Variants in MAB21L1 observed in about 807,000 individuals in gnomAD.
MAB21L1 encodes the protein mab-21 like 1.
MAB21L1 carries 8 observed loss-of-function variants against 28.9 expected under a neutral mutation model. The ratio of observed to expected loss-of-function variants is 0.28; its 90% CI spans 0.16 to 0.50. MAB21L1 has a LOEUF of 0.50. MAB21L1 is among the 20% of genes least tolerant of loss of function. The pLI is 0.98. For synonymous variants in MAB21L1, 219 were observed against 198.2 expected, an observed-to-expected ratio of 1.10 and a Z score of -0.88; for missense variants, 388 against 466.5, an observed-to-expected ratio of 0.83 and a Z score of 1.55.
rs143553010 is a variant in MAB21L1, at chr13:35,475,533, C to A, written c.606G>T (p.Glu202Asp). The stretch of plus-strand genomic sequence containing the variant: ...AGAGATTGAAACCTTCCGCCTTGAC[C>A]TCCGCCACCCGGTTGGGTCCCGGCC... The part of the protein sequence containing the change: ...IPWPGPNRVA[E>D]VKAEGFNLLS... Residue 202 changes from glutamate (E) to aspartate (D), a missense_variant, in exon 1 of 1, where the codon GAG (glutamate) becomes GAT (aspartate). This residue lies in a region of MAB21L1 where 218 missense variants were observed against 220.6 expected (regional missense o/e 0.99). Coordinates refer to ENST00000379919, the MANE Select transcript of MAB21L1 (RefSeq NM_005584.5). 1.2e-6 allele frequency: 2 copies of A among 1,613,090 alleles called. No individual in the cohort carries two copies. The highest frequency in any genetic ancestry group is 2.2e-5 in the South Asian group (2 of 91,052).
At position 35,475,323 on chromosome 13, in the gene MAB21L1, G is replaced by A. The variant is rs1390495163; in HGVS notation, c.816C>T (p.Tyr272=). 3 of 1,613,932 alleles carry A rather than the reference G, an allele frequency of 1.9e-6. No individual in the cohort carries two copies. Among genetic ancestry groups the A allele is most frequent in the African/African-American group, 2.7e-5 (2 of 74,882 alleles). ...CGTAGGAAACCAGAGTCTTCATATG[G>A]TAATTGTTCAAGGGCTGGCCCGGCA... The part of the protein sequence containing the change: ...LELPGQPLNN[Y]HMKTLVSYEC... The change falls in exon 1 of 1, where the codon TAC becomes TAT. Residue 272 remains tyrosine, a synonymous_variant. Transcript: ENST00000379919.
chr13:35,475,640 C>T lies in MAB21L1; in HGVS notation c.499G>A (p.Val167Met). Residue 167 changes from valine (V) to methionine (M), a missense_variant, in exon 1 of 1, where the codon GTG (valine) becomes ATG (methionine). Coordinates refer to ENST00000379919, the MANE Select transcript of MAB21L1 (RefSeq NM_005584.5). ...TTAAAGGCCGGCGTGATCTGCACCACGTACCTATCTCGGATTCTCAGTTTC... is the reference window on the plus strand; with the variant it reads ...TTAAAGGCCGGCGTGATCTGCACCATGTACCTATCTCGGATTCTCAGTTTC... ...EVKLRIRDRY[V>M]VQITPAFKCT... 2 of 1,613,902 alleles carry T rather than the reference C, an allele frequency of 1.2e-6. No homozygotes were observed. Among genetic ancestry groups the T allele is most frequent in the Non-Finnish European group, 1.7e-6 (2 of 1,180,000 alleles).
In MAB21L1 at chr13:35,475,155, T is replaced by C; in HGVS notation, c.984A>G (p.Gln328=). 2 of 1,614,102 alleles carry C rather than the reference T, an allele frequency of 1.2e-6. No homozygotes were observed. The highest frequency in any genetic ancestry group is 1.7e-6 in the Non-Finnish European group (2 of 1,180,018). ...HYFLPNLDLF[Q]GKPHSALENA... ...TTTCCAGAGCTGAGTGAGGTTTGCC[T>C]TGAAACAGATCTAAGTTCGGTAGAA... is the stretch of plus-strand genomic sequence containing the variant. Residue 328 remains glutamine, a synonymous_variant, in exon 1 of 1, where the codon CAA becomes CAG. Coordinates refer to ENST00000379919, the MANE Select transcript of MAB21L1 (RefSeq NM_005584.5).
At position 35,474,425 on chromosome 13, in the gene MAB21L1, T is replaced by A. The variant is rs2075777271; in HGVS notation, c.*634A>T. 1 of 152,654 alleles carries A rather than the reference T, an allele frequency of 6.6e-6. No homozygotes were observed. The highest frequency in any genetic ancestry group is 1.5e-5 in the Non-Finnish European group (1 of 68,040). The allele number at this position is 152,654 out of a possible 1,614,324, so 9.5% of individuals were successfully genotyped here. Reference sequence around the variant, plus strand: ...AATGTTAGAAATAGAACAAGCAATATTTGAAACAAAATGTAAACTTTTTAA... The same window carrying A: ...AATGTTAGAAATAGAACAAGCAATAATTGAAACAAAATGTAAACTTTTTAA... On this transcript the variant is annotated 3_prime_UTR_variant, in exon 1 of 1. Transcript: ENST00000379919.
chr13:35,476,207 G>C lies in MAB21L1; in HGVS notation c.-69C>G. On this transcript the variant is annotated 5_prime_UTR_variant, in exon 1 of 1. Transcript: ENST00000379919. ...GCTGTGGGATCCAATGCGGCTGCTA[G>C]AGCTGGAGCCAACTTCGGTGGAGAA... 6.2e-7 allele frequency: 1 copy of C among 1,609,488 alleles called. No individual in the cohort carries two copies. The highest frequency in any genetic ancestry group is 1.1e-5 in the South Asian group (1 of 90,776).
At position 35,475,184 on chromosome 13, in the gene MAB21L1, A is replaced by G. The variant is rs754543999; in HGVS notation, c.955T>C (p.Tyr319His). ...SCLQCRRCPH[Y>H]FLPNLDLFQG... Reference sequence around the variant, plus strand: ...AACAGATCTAAGTTCGGTAGAAAGTAGTGGGGACACCGCCGGCACTGCAGG... The same window carrying G: ...AACAGATCTAAGTTCGGTAGAAAGTGGTGGGGACACCGCCGGCACTGCAGG... The change falls in exon 1 of 1, where the codon TAC becomes CAC. Residue 319 changes from tyrosine to histidine, a missense_variant. Physicochemically the swap from Tyr to His is moderately conservative, Grantham distance 83. Transcript: ENST00000379919. 6.2e-7 allele frequency: 1 copy of G among 1,613,936 alleles called. No individual in the cohort carries two copies. The highest frequency in any genetic ancestry group is 8.5e-7 in the Non-Finnish European group (1 of 1,180,026).
rs968939439 is a variant in MAB21L1 at position 35,475,089 on chromosome 13, C to G, written c.1050G>C (p.Leu350=). 1 of 1,613,828 alleles carries G rather than the reference C, an allele frequency of 6.2e-7. No homozygotes were observed. Among genetic ancestry groups the G allele is most frequent in the Non-Finnish European group, 8.5e-7 (1 of 1,179,840 alleles). ...KQTWRLAREI[L]TNPKSLEKL ...GTTTTTCCAAACTTTTCGGGTTGGT[C>G]AGGATCTCTCTTGCCAGTCGCCACG... Residue 350 remains leucine, a synonymous_variant, in exon 1 of 1, where the codon CTG becomes CTC. Transcript: ENST00000379919.
rs1173258839 is a variant in MAB21L1, at chr13:35,476,296, C to CCTGCCG, written c.-159_-158insCGGCAG. On this transcript the variant is annotated 5_prime_UTR_variant, in exon 1 of 1. Coordinates refer to ENST00000379919, the MANE Select transcript of MAB21L1 (RefSeq NM_005584.5). The stretch of plus-strand genomic sequence containing the variant: ...TCGGAAGTGCTGCAGCGTTGGTTTC[C>CCTGCCG]CTGCTGCTGCTGCTGCTGCTGCTGC... 3 of 961,206 alleles carry CCTGCCG rather than the reference C, an allele frequency of 3.1e-6. No homozygotes were observed. Among genetic ancestry groups the CCTGCCG allele is most frequent in the Non-Finnish European group, 4.9e-6 (3 of 615,332 alleles). The allele number at this position is 961,206 out of a possible 1,614,324, so 59.5% of individuals were successfully genotyped here.
At position 35,475,119 on chromosome 13, in the gene MAB21L1, T is replaced by A; in HGVS notation, c.1020A>T (p.Lys340Asn). The change falls in exon 1 of 1, where the codon AAA becomes AAT. Residue 340 changes from lysine (K) to asparagine (N), a missense_variant. Physicochemically the swap from Lys to Asn is moderately conservative, Grantham distance 94 (BLOSUM62 0). Coordinates refer to ENST00000379919, the MANE Select transcript of MAB21L1 (RefSeq NM_005584.5). ...TCTCTCTTGCCAGTCGCCACGTTTG[T>A]TTGGCAGCGTTTTCCAGAGCTGAGT... ...KPHSALENAA[K>N]QTWRLAREIL... 1 of 1,614,094 alleles carries A rather than the reference T, an allele frequency of 6.2e-7. No individual in the cohort carries two copies. Among genetic ancestry groups the A allele is most frequent in the Non-Finnish European group, 8.5e-7 (1 of 1,180,002 alleles).
rs1393607061 is a variant in MAB21L1 at position 35,475,043 on chromosome 13, T to C, written c.*16A>G. 6.2e-7 allele frequency: 1 copy of C among 1,603,480 alleles called. No individual in the cohort carries two copies. The highest frequency in any genetic ancestry group is 8.5e-7 in the Non-Finnish European group (1 of 1,173,766). On this transcript the variant is annotated 3_prime_UTR_variant, in exon 1 of 1. Coordinates refer to ENST00000379919, the MANE Select transcript of MAB21L1 (RefSeq NM_005584.5). ...TTGAGAAGGGTAATAATTTCGGCTC[T>C]TGATTAAATCATCCTCTAAAGTTTT...
At position 35,475,335 on chromosome 13, in the gene MAB21L1, G is replaced by A. The variant is rs761958287; in HGVS notation, c.804C>T (p.Pro268=). Residue 268 remains proline, a synonymous_variant, in exon 1 of 1, where the codon CCC becomes CCT. Coordinates refer to ENST00000379919, the MANE Select transcript of MAB21L1 (RefSeq NM_005584.5). Reference sequence around the variant, plus strand: ...GAGTCTTCATATGGTAATTGTTCAAGGGCTGGCCCGGCAGTTCAAGGTGAC... The same window carrying A: ...GAGTCTTCATATGGTAATTGTTCAAAGGCTGGCCCGGCAGTTCAAGGTGAC... The part of the protein sequence containing the change: ...RDRHLELPGQ[P]LNNYHMKTLV... The A allele has an allele frequency of 1.9e-6, 3 of 1,613,936 alleles. No homozygotes were observed. The highest frequency in any genetic ancestry group is 2.5e-6 in the Non-Finnish European group (3 of 1,180,038).
Position 35,475,532 on chromosome 13 carries a change from C to T in MAB21L1, c.607G>A (p.Val203Ile), listed in dbSNP as rs1010721938. 2.5e-6 allele frequency: 4 copies of T among 1,612,908 alleles called. No individual in the cohort carries two copies. Among genetic ancestry groups the T allele is most frequent in the Admixed American group, 3.3e-5 (2 of 59,960 alleles). Reference sequence around the variant, plus strand: ...AAGAGATTGAAACCTTCCGCCTTGACCTCCGCCACCCGGTTGGGTCCCGGC... The same window carrying T: ...AAGAGATTGAAACCTTCCGCCTTGATCTCCGCCACCCGGTTGGGTCCCGGC... The part of the protein sequence containing the change: ...PWPGPNRVAE[V>I]KAEGFNLLSK... The change falls in exon 1 of 1, where the codon GTC (valine) becomes ATC (isoleucine). Residue 203 changes from valine to isoleucine, a missense_variant. Physicochemically the swap from Val to Ile is conservative, Grantham distance 29. Coordinates refer to ENST00000379919, the MANE Select transcript of MAB21L1 (RefSeq NM_005584.5).
Position 35,474,255 on chromosome 13 carries a change from T to G in MAB21L1, c.*804A>C. ...TAATTAAATAAAAACCAGCAACAAA[T>G]TAAAATCTAAATCACAAAAGTAATT... On this transcript the variant is annotated 3_prime_UTR_variant, in exon 1 of 1. Transcript: ENST00000379919. The G allele has an allele frequency of 6.6e-6, 1 of 152,534 alleles. No individual in the cohort carries two copies. The highest frequency in any genetic ancestry group is 1.5e-5 in the Non-Finnish European group (1 of 68,000). 9.4% of individuals were successfully genotyped at this position (152,534 alleles called of 1,614,324 possible).
Position 35,475,950 on chromosome 13 carries a change from G to A in MAB21L1, c.189C>T (p.Tyr63=), listed in dbSNP as rs1391211678. The change falls in exon 1 of 1, where the codon TAC becomes TAT. Residue 63 remains tyrosine (Y), a synonymous_variant. Transcript: ENST00000379919. ...TGGGGGAGATGACCTCGAGGCCCTC[G>A]TAGCGATTGTCCATCTCGTTGAGAG... The part of the protein sequence containing the change: ...ISSLNEMDNR[Y]EGLEVISPTE... The A allele has an allele frequency of 1.9e-6, 3 of 1,614,152 alleles. No homozygotes were observed. Among genetic ancestry groups the A allele is most frequent in the Middle Eastern group, 1.6e-4 (1 of 6,062 alleles).
At position 35,475,999 on chromosome 13, in the gene MAB21L1, A is replaced by T; in HGVS notation, c.140T>A (p.Val47Glu). ...AGAGCTGATGAACCGCGGCTCCTGC[A>T]CTTCCACTTCCTTCAGTACGTCGGA... ...VVSDVLKEVE[V>E]QEPRFISSLN... The change falls in exon 1 of 1, where the codon GTG becomes GAG. Residue 47 changes from valine (V) to glutamate (E), a missense_variant. Transcript: ENST00000379919. The T allele has an allele frequency of 6.2e-7, 1 of 1,614,196 alleles. No homozygotes were observed. The highest frequency in any genetic ancestry group is 8.5e-7 in the Non-Finnish European group (1 of 1,180,046).
In MAB21L1 at chr13:35,476,264, A is replaced by C. The variant is rs1403766129; in HGVS notation, c.-126T>G. 6.7e-7 allele frequency: 1 copy of C among 1,492,434 alleles called. No homozygotes were observed. Among genetic ancestry groups the C allele is most frequent in the African/African-American group, 1.4e-5 (1 of 72,544 alleles). The allele number at this position is 1,492,434 out of a possible 1,614,324, so 92.4% of individuals were successfully genotyped here. On this transcript the variant is annotated 5_prime_UTR_variant, in exon 1 of 1. Transcript: ENST00000379919. ...CGCAACACTCAGAAATGGATCAAAA[A>C]TGCCTTTCGGAAGTGCTGCAGCGTT...
chr13:35,476,542 T>C lies in MAB21L1; in HGVS notation c.-404A>G. The C allele has an allele frequency of 1.7e-6, 1 of 601,362 alleles. No homozygotes were observed. The highest frequency in any genetic ancestry group is 3.0e-6 in the Non-Finnish European group (1 of 333,028). 37.3% of individuals were successfully genotyped at this position (601,362 alleles called of 1,614,324 possible). ...AGCAAAGCTCTTCCAGTAGTCAAAATAAGCACCCCTTTCCGTATTTATTTG... is the reference window on the plus strand; with the variant it reads ...AGCAAAGCTCTTCCAGTAGTCAAAACAAGCACCCCTTTCCGTATTTATTTG... On this transcript the variant is annotated 5_prime_UTR_variant, in exon 1 of 1. Transcript: ENST00000379919.
At position 35,475,585 on chromosome 13, in the gene MAB21L1, G is replaced by T. The variant is rs757375209; in HGVS notation, c.554C>A (p.Ala185Asp). The change falls in exon 1 of 1, where the codon GCC (alanine) becomes GAC (aspartate). Residue 185 changes from alanine (A) to aspartate (D), a missense_variant. Ala to Asp is a moderately radical substitution (Grantham distance 126). Coordinates refer to ENST00000379919, the MANE Select transcript of MAB21L1 (RefSeq NM_005584.5). ...GGGGATGTGGGGAAGTGGCCAGTGGGCAGCACTCCTCGGCCAGATCCCGGT... is the reference window on the plus strand; with the variant it reads ...GGGGATGTGGGGAAGTGGCCAGTGGTCAGCACTCCTCGGCCAGATCCCGGT... ...KCTGIWPRSA[A>D]HWPLPHIPWP... The T allele has an allele frequency of 1.9e-6, 3 of 1,613,592 alleles. No homozygotes were observed. Among genetic ancestry groups the T allele is most frequent in the Non-Finnish European group, 1.7e-6 (2 of 1,179,948 alleles).
In MAB21L1 at chr13:35,476,266, G is replaced by T. The variant is rs1215851108; in HGVS notation, c.-128C>A. 1.3e-6 allele frequency: 2 copies of T among 1,484,364 alleles called. No individual in the cohort carries two copies. Among genetic ancestry groups the T allele is most frequent in the Non-Finnish European group, 9.3e-7 (1 of 1,072,766 alleles). The allele number at this position is 1,484,364 out of a possible 1,614,324, so 91.9% of individuals were successfully genotyped here. ...CAACACTCAGAAATGGATCAAAAATGCCTTTCGGAAGTGCTGCAGCGTTGG... is the reference window on the plus strand; with the variant it reads ...CAACACTCAGAAATGGATCAAAAATTCCTTTCGGAAGTGCTGCAGCGTTGG... On this transcript the variant is annotated 5_prime_UTR_variant, in exon 1 of 1. Transcript: ENST00000379919.
Sources: gnomAD v4.1 joint callset for allele counts on GRCh38, gnomAD v4.1.1 for gene constraint, gnomAD v4.1.1 regional missense constraint, MANE v1.5 for transcripts, NCBI Gene and HGNC (gene_info 2026-07-23, HGNC 2026-07-21) for gene names.